The following RUNX1 variants were observed in gnomAD, a reference collection of about 807,000 sequenced individuals.
RUNX1 encodes runt-related transcription factor 1.
Under a neutral mutation model 42.8 loss-of-function variants are expected in RUNX1, and 19 were observed. That is an observed-to-expected ratio of 0.44 (90% CI 0.31 to 0.65). The LOEUF (loss-of-function observed/expected upper bound fraction) is 0.65. Among genes scored for constraint, RUNX1 ranks in the 30% least tolerant of loss-of-function variants. The probability of loss-of-function intolerance (pLI) is 0.07; values close to 1 mark genes in which losing one functional copy is unlikely to be tolerated. For synonymous variants in RUNX1, 271 were observed against 289.4 expected (o/e 0.94, Z 0.64); for missense variants, 528 against 672.0 (o/e 0.79, Z 2.37).
intron 2 of RUNX1, among the ~76,000 whole-genome samples, chr21:34,930,297 A>ATGT (rs1569110430): frequency 3.3e-4 from 43 of 131,042 alleles, no homozygotes; most frequent in African/African-American, 1.5e-3. Context: ...TATATAAATA[A>ATGT]ATAAATAAAA....
intron 5 of RUNX1, among the ~76,000 whole-genome samples, chr21:34,859,949 A>T (rs1569062254): frequency 6.6e-6 from 1 of 152,246 alleles, no homozygotes. Flanking sequence ...ATTCAGGGCA[A>T]ATAAGAGTAG....
At chr21:34,911,877 A>G (rs149150788) in intron 2 of RUNX1, among the ~76,000 whole-genome samples, 335 of 152,046 alleles carry the variant, frequency 2.2e-3, no homozygotes, top group African/African-American at 7.7e-3. Flanking sequence ...AAACTCCCCC[A>G]GTTTTCCCCA....
intron 6 of RUNX1, among the ~76,000 whole-genome samples, chr21:34,850,902 A>G (rs2057408810): frequency 6.6e-6 from 1 of 152,196 alleles, no homozygotes; most frequent in Non-Finnish European, 1.5e-5. Context: ...GGATTTCAAG[A>G]CTAAATCTGA....
chr21:34,979,573 G>A (rs2058831225), intron 2 of RUNX1, among the ~76,000 whole-genome samples: 1 of 152,164 alleles, frequency 6.6e-6, no homozygotes. Context: ...TAGCCATTCT[G>A]TCTGGGATGA....
At position 34,844,214 on chromosome 21, in the gene RUNX1, A is replaced by AAG. The variant is rs1263439986; in HGVS notation, c.614-9615_614-9614dup. 3.3e-5 allele frequency among the ~76,000 whole-genome samples: 5 copies of AAG among 152,268 alleles called. No individual in the cohort carries two copies. The East Asian group carries it at 9.6e-4, about 29-fold the overall frequency. The stretch of plus-strand genomic sequence containing the variant: ...GAAGGCGACTTGCAGAAGAGAAAGA[A>AAG]AGTATTGGTGGCGGGTGGCGCACTA... On this transcript the variant is annotated intron_variant, in intron 6 of 8. Transcript: ENST00000675419.
At chr21:34,878,397 A>C (rs1249195009) in intron 5 of RUNX1, among the ~76,000 whole-genome samples, 2 of 151,222 alleles carry the variant, frequency 1.3e-5, no homozygotes, top group Admixed American at 6.6e-5. Context: ...ATATATATAT[A>C]CATCTCAAGA....
At chr21:35,014,872 C>T (rs1194453540) in intron 2 of RUNX1, among the ~76,000 whole-genome samples, 1 of 152,268 alleles carries the variant, frequency 6.6e-6, no homozygotes, top group African/African-American at 2.4e-5. Context: ...CTCTGTTCGT[C>T]TCCCTTGGCA....
chr21:35,023,123 T>A (rs2059211779), intron 2 of RUNX1, among the ~76,000 whole-genome samples: 1 of 151,926 alleles, frequency 6.6e-6, no homozygotes, highest in South Asian at 2.1e-4. Flanking sequence ...TTGTACTTTT[T>A]TGTAGAGACA....
At chr21:35,030,517 T>A (rs1372281559) in intron 2 of RUNX1, among the ~76,000 whole-genome samples, 3 of 151,958 alleles carry the variant, frequency 2.0e-5, no homozygotes, top group Non-Finnish European at 4.4e-5. Flanking sequence ...AACCAGGAGA[T>A]AAAATGTTAA....
At chr21:35,008,014 C>T (rs1048701542) in intron 2 of RUNX1, among the ~76,000 whole-genome samples, 1 of 152,156 alleles carries the variant, frequency 6.6e-6, no homozygotes, top group African/African-American at 2.4e-5. Flanking sequence ...GCCACCACCC[C>T]TGGGCCATGC....
chr21:34,896,516 C>G (rs1009774617), intron 2 of RUNX1, among the ~76,000 whole-genome samples: 2 of 152,160 alleles, frequency 1.3e-5, no homozygotes, highest in Non-Finnish European at 2.9e-5. Flanking sequence ...AACCCTGTCT[C>G]TACTAAAAAT....
intron 2 of RUNX1, among the ~76,000 whole-genome samples, chr21:35,026,311 C>T (rs1207473586): frequency 3.9e-5 from 6 of 152,268 alleles, no homozygotes; most frequent in East Asian, 3.9e-4. Context: ...TCTCATCTGC[C>T]TAGCTTATCT....
At chr21:34,804,355 C>T (rs1406972165) in intron 7 of RUNX1, among the ~76,000 whole-genome samples, 3 of 152,078 alleles carry the variant, frequency 2.0e-5, no homozygotes, top group Middle Eastern at 3.2e-3. Flanking sequence ...AACATACTGA[C>T]TAAGGAGGAG....
chr21:34,889,393 T>C (rs1021835170), intron 3 of RUNX1, among the ~76,000 whole-genome samples: 5 of 151,938 alleles, frequency 3.3e-5, no homozygotes, highest in South Asian at 2.1e-4. Context: ...GGGTGTTTTT[T>C]ACCGCTGCGC....
intron 2 of RUNX1, among the ~76,000 whole-genome samples, chr21:35,046,001 T>C (rs111567526): frequency 0.013 from 1,943 of 152,208 alleles, 42 homozygotes; most frequent in African/African-American, 0.044. Flanking sequence ...TTTGCAAAAA[T>C]ATGTACGTGC....
chr21:34,850,920 C>T (rs1209301481), intron 6 of RUNX1, among the ~76,000 whole-genome samples: 1 of 152,090 alleles, frequency 6.6e-6, no homozygotes, highest in Non-Finnish European at 1.5e-5. Context: ...TGAATTATAC[C>T]TGTCCTCTTT....
At chr21:35,040,647 C>T (rs932746350) in intron 2 of RUNX1, among the ~76,000 whole-genome samples, 5 of 151,862 alleles carry the variant, frequency 3.3e-5, no homozygotes, top group African/African-American at 1.2e-4. Flanking sequence ...TGGCACACAC[C>T]TGTAATCCCA....
chr21:34,969,991 T>C (rs537107418), intron 2 of RUNX1, among the ~76,000 whole-genome samples: 11 of 152,334 alleles, frequency 7.2e-5, no homozygotes, highest in African/African-American at 1.9e-4. Flanking sequence ...GCAGCCTCCA[T>C]AGATGTGAAG....
In RUNX1 at chr21:34,950,629, C is replaced by T. The variant is rs150355206; in HGVS notation, c.59-57666G>A. 6.8e-3 allele frequency among the ~76,000 whole-genome samples: 1,032 copies of T among 152,282 alleles called. 5 individuals are homozygous for T. Among genetic ancestry groups the T allele is most frequent in the Middle Eastern group, 0.014 (4 of 294 alleles). Reference sequence around the variant, plus strand: ...GCGGGTGCCTGTAGTCTCAGCTATTCAGGAGGCTGAGGTAGGAGAATCACT... The same window carrying T: ...GCGGGTGCCTGTAGTCTCAGCTATTTAGGAGGCTGAGGTAGGAGAATCACT... On this transcript the variant is annotated intron_variant, in intron 2 of 8. Transcript: ENST00000675419.
Sources: gnomAD v4.1 joint callset for allele counts (sites outside exome capture counted in the v4.1 genomes callset) on GRCh38, gnomAD v4.1.1 for gene constraint, MANE v1.5 for transcripts, NCBI Gene and HGNC (gene_info 2026-07-23, HGNC 2026-07-21) for gene names.